The following IL1RAPL1 variants were observed in gnomAD, a reference collection of about 807,000 sequenced individuals.
The protein encoded by IL1RAPL1 is interleukin-1 receptor accessory protein-like 1.
A neutral mutation model predicts 48.4 loss-of-function variants in IL1RAPL1; 3 were observed. The ratio of observed to expected loss-of-function variants is 0.06; its 90% confidence interval spans 0.03 to 0.16. IL1RAPL1 has a LOEUF of 0.16. Among genes scored for constraint, IL1RAPL1 ranks in the 10% least tolerant of loss-of-function variants. The pLI is 1.00. For missense variants in IL1RAPL1, 349 were observed against 530.6 expected (o/e 0.66, Z 3.36); for synonymous variants, 185 against 187.7 (o/e 0.99, Z 0.12).
Position 29,101,706 on chromosome X carries a change from C to T in IL1RAPL1, c.83-181232C>T, listed in dbSNP as rs1442401871. Among the ~76,000 whole-genome samples the T allele has an allele frequency of 5.4e-5, 6 of 111,472 alleles. No homozygotes were observed. The East Asian group carries it at 8.5e-4, about 16-fold the overall frequency. ...ATCCCAGCACTTTGGGAGGCCGAGA[C>T]GGGAGGATCACTTGAGGTCAGGAGT... On this transcript the variant is annotated intron_variant, in intron 2 of 10. Coordinates refer to ENST00000378993, the MANE Select transcript of IL1RAPL1 (RefSeq NM_014271.4).
chrX:29,709,490 T>C (rs766688135), intron 6 of IL1RAPL1, among the ~76,000 whole-genome samples: 1 of 111,586 alleles, frequency 9.0e-6, no homozygotes, highest in Admixed American at 9.6e-5. Context: ...TTCTATCCTG[T>C]TCCATTGGTC....
At chrX:28,669,721 TTATAA>T (rs1480680637) in intron 1 of IL1RAPL1, among the ~76,000 whole-genome samples, 5 of 104,521 alleles carry the variant, frequency 4.8e-5, no homozygotes, top group Non-Finnish European at 9.7e-5. Flanking sequence ...ATTATATCAT[TTATAA>T]TATAATTTAT....
intron 1 of IL1RAPL1, among the ~76,000 whole-genome samples, chrX:28,632,974 C>T (rs766112455): frequency 1.8e-4 from 19 of 104,408 alleles, no homozygotes; most frequent in African/African-American, 6.7e-4. Context: ...CTGCAGCCTT[C>T]GCCTCCTGGG....
intron 1 of IL1RAPL1, among the ~76,000 whole-genome samples, chrX:28,745,489 T>A (rs1487775052): frequency 1.8e-5 from 2 of 111,786 alleles, no homozygotes; most frequent in Non-Finnish European, 3.8e-5. Context: ...TAAAAGGGAT[T>A]TTTTTGTAAA....
intron 1 of IL1RAPL1, among the ~76,000 whole-genome samples, chrX:28,641,914 C>G (rs1050690402): frequency 9.0e-6 from 1 of 110,572 alleles, no homozygotes; most frequent in Non-Finnish European, 1.9e-5. Flanking sequence ...ATTCAGGAGA[C>G]CCATCTCATG....
At position 29,381,814 on chromosome X, in the gene IL1RAPL1, CAAAAAAAA is replaced by C. The variant is rs1213630768; in HGVS notation, c.363-14431_363-14424del. Among the ~76,000 whole-genome samples the C allele has an allele frequency of 9.2e-3, 308 of 33,363 alleles. 3 individuals carry two copies. Among genetic ancestry groups the C allele is most frequent in the African/African-American group, 0.031 (283 of 9,263 alleles). The allele number at this position is 33,363 out of a possible 115,157, so 29.0% of individuals were successfully genotyped here. A position where few individuals can be genotyped will look rare whatever the true frequency, so the allele number is the denominator to read the frequency against. On this transcript the variant is annotated intron_variant, in intron 3 of 10. Coordinates refer to ENST00000378993, the MANE Select transcript of IL1RAPL1 (RefSeq NM_014271.4). ...CTGGGTGACAGAGCAAGACTGTTGC[CAAAAAAAA>C]AAAAAAAAAAAATATATATATATAT... is the stretch of plus-strand genomic sequence containing the variant.
At chrX:29,310,866 A>G (rs1932715381) in intron 3 of IL1RAPL1, among the ~76,000 whole-genome samples, 1 of 112,330 alleles carries the variant, frequency 8.9e-6, no homozygotes, top group Non-Finnish European at 1.9e-5. Context: ...TCTTCTAGGC[A>G]TTCCTATTTA....
chrX:29,648,321 C>T (rs961026899), intron 5 of IL1RAPL1, among the ~76,000 whole-genome samples: 2 of 111,932 alleles, frequency 1.8e-5, no homozygotes, highest in Non-Finnish European at 3.8e-5. Context: ...TTCCATCCAA[C>T]GGATGCAGAA....
intron 2 of IL1RAPL1, among the ~76,000 whole-genome samples, chrX:28,824,568 C>A (rs974256354): frequency 9.0e-6 from 1 of 111,081 alleles, no homozygotes; most frequent in Non-Finnish European, 1.9e-5. Context: ...AGTGTTCTGT[C>A]CTATCCTCCT....
intron 3 of IL1RAPL1, among the ~76,000 whole-genome samples, chrX:29,353,645 T>G (rs1176131864): frequency 9.0e-6 from 1 of 110,951 alleles, no homozygotes; most frequent in East Asian, 2.8e-4. Context: ...TAGGGGGAAA[T>G]CAAATAAAAT....
intron 1 of IL1RAPL1, among the ~76,000 whole-genome samples, chrX:28,625,630 C>G (rs1426518296): frequency 9.0e-6 from 1 of 111,055 alleles, no homozygotes; most frequent in Non-Finnish European, 1.9e-5. Context: ...GGGAGGAGAT[C>G]CTTCAGGGGC....
At chrX:29,696,027 C>T (rs905383310) in intron 6 of IL1RAPL1, among the ~76,000 whole-genome samples, 1 of 111,657 alleles carries the variant, frequency 9.0e-6, no homozygotes, top group African/African-American at 3.3e-5. Context: ...ATGTCTTTCC[C>T]TATAGATCAT....
chrX:28,895,190 A>G (rs912226642), intron 2 of IL1RAPL1, among the ~76,000 whole-genome samples: 3 of 110,802 alleles, frequency 2.7e-5, no homozygotes, highest in Non-Finnish European at 5.7e-5. Flanking sequence ...GGTAGGCAAA[A>G]CAATTTGGTT....
At chrX:29,877,231 A>G (rs1330062051) in intron 6 of IL1RAPL1, among the ~76,000 whole-genome samples, 1 of 111,571 alleles carries the variant, frequency 9.0e-6, no homozygotes, top group Non-Finnish European at 1.9e-5. Flanking sequence ...TATTGCCTGC[A>G]TCTGCCTTTC....
chrX:29,797,215 T>G (rs1311737742), intron 6 of IL1RAPL1, among the ~76,000 whole-genome samples: 1 of 112,656 alleles, frequency 8.9e-6, no homozygotes, highest in Non-Finnish European at 1.9e-5. Context: ...TCCGTTGTAC[T>G]CTACTTGCCT....
chrX:28,671,392 A>G (rs1171110942), intron 1 of IL1RAPL1, among the ~76,000 whole-genome samples: 2 of 111,756 alleles, frequency 1.8e-5, no homozygotes, highest in African/African-American at 6.5e-5. Flanking sequence ...TCCAATGCTG[A>G]TGTGTTACTT....
intron 3 of IL1RAPL1, among the ~76,000 whole-genome samples, chrX:29,328,637 A>G (rs1223332106): frequency 7.9e-5 from 8 of 101,019 alleles, no homozygotes; most frequent in Admixed American, 2.1e-4. Context: ...ATATGTATAT[A>G]TATATAGAGA....
intron 2 of IL1RAPL1, among the ~76,000 whole-genome samples, chrX:29,255,142 CGTGTGTGTGTGT>C (rs200536177): frequency 3.6e-3 from 225 of 62,458 alleles, no homozygotes; most frequent in African/African-American, 8.7e-3. Flanking sequence ...TGTGTGTGTG[CGTGTGTGTGTGT>C]GTGTGTGTGT....
intron 2 of IL1RAPL1, among the ~76,000 whole-genome samples, chrX:29,239,712 A>AT (rs60139378): frequency 0.012 from 1,269 of 102,094 alleles, 20 homozygotes; most frequent in African/African-American, 0.04. Context: ...ACATTGTGAG[A>AT]TTTTTTTTTT....
Sources: allele counts gnomAD v4.1 joint callset (sites outside exome capture counted in the v4.1 genomes callset), GRCh38; gene constraint gnomAD v4.1.1; transcripts MANE v1.5; gene names NCBI Gene and HGNC (gene_info 2026-07-23, HGNC 2026-07-21).